The following PCCB variants were observed in gnomAD, a reference collection of about 807,000 sequenced individuals.
PCCB encodes the protein propionyl-CoA carboxylase subunit beta.
PCCB carries 43 observed loss-of-function variants against 60.7 expected under a neutral mutation model. The observed-to-expected ratio is 0.71, with a 90% confidence interval of 0.55 to 0.91. PCCB has a LOEUF of 0.91. PCCB is among the 40% of genes least tolerant of loss of function. The pLI, the probability that PCCB is intolerant of heterozygous loss-of-function variation, is 0.00. For synonymous variants in PCCB, 276 were observed against 255.9 expected (o/e 1.08, Z -0.75); for missense variants, 766 against 702.8 (o/e 1.09, Z -1.02).
intron 4 of PCCB, 146 bp downstream of exon 4, chr3:136,260,681 T>C: frequency 2.8e-6 from 2 of 716,396 alleles, no homozygotes; most frequent in Non-Finnish European, 4.9e-6. Flanking sequence ...AAGGGGTGCA[T>C]AACAATTTTC....
intron 10 of PCCB, among the ~76,000 whole-genome samples, chr3:136,318,347 G>A (rs182999096): frequency 2.6e-4 from 39 of 152,108 alleles, no homozygotes; most frequent in Admixed American, 2.2e-3. Flanking sequence ...CCGAGATCAC[G>A]CCACTGCATG....
chr3:136,251,328 G>A, intron 1 of PCCB: 1 of 456,692 alleles, frequency 2.2e-6, no homozygotes, highest in South Asian at 1.5e-5. Context: ...TGCCCAGTGT[G>A]TCCGTGACTG....
In PCCB at chr3:136,330,111, G is replaced by C; in HGVS notation, c.*85G>C. ...CCTGCCTTTTGCAATCATGAAACCT[G>C]GGAATCCAAATAGTTGGATAACTTA... On this transcript the variant is annotated 3_prime_UTR_variant, in exon 15 of 15. Coordinates refer to ENST00000251654, the MANE Select transcript of PCCB (RefSeq NM_000532.5). 2 of 1,606,000 alleles carry C rather than the reference G, an allele frequency of 1.2e-6. No homozygotes were observed. Among genetic ancestry groups the C allele is most frequent in the East Asian group, 4.5e-5 (2 of 44,580 alleles).
intron 5 of PCCB, among the ~76,000 whole-genome samples, chr3:136,266,947 A>G (rs1337517286): frequency 6.6e-6 from 1 of 152,050 alleles, no homozygotes; most frequent in Non-Finnish European, 1.5e-5. Flanking sequence ...CAGTGGTGTG[A>G]TCTTAGCTCA....
chr3:136,315,225 A>G (rs1474231182), intron 9 of PCCB, among the ~76,000 whole-genome samples: 5 of 152,194 alleles, frequency 3.3e-5, no homozygotes, highest in Admixed American at 2.6e-4. Context: ...CAATTGGCAA[A>G]CTTGAATAAT....
chr3:136,283,548 A>G (rs1217939295), intron 5 of PCCB, among the ~76,000 whole-genome samples: 1 of 152,150 alleles, frequency 6.6e-6, no homozygotes, highest in Non-Finnish European at 1.5e-5. Context: ...ATGGTGGGAT[A>G]CACTCTGTAC....
chr3:136,259,766 T>C (rs1234529800), intron 3 of PCCB, among the ~76,000 whole-genome samples: 2 of 152,332 alleles, frequency 1.3e-5, no homozygotes, highest in Non-Finnish European at 2.9e-5. Flanking sequence ...GTATGTATTT[T>C]TTTAAATACA....
intron 6 of PCCB, among the ~76,000 whole-genome samples, chr3:136,287,607 T>C (rs1387912739): frequency 6.6e-6 from 1 of 152,108 alleles, no homozygotes; most frequent in South Asian, 2.1e-4. Context: ...GCTAATTTTT[T>C]GTATTTTTGG....
At chr3:136,298,566 G>T (rs1397912676) in intron 8 of PCCB, among the ~76,000 whole-genome samples, 2 of 152,204 alleles carry the variant, frequency 1.3e-5, no homozygotes, top group African/African-American at 4.8e-5. Context: ...GATGCAAACA[G>T]CATGCCCTTT....
At chr3:136,308,154 A>G (rs1347566364) in intron 9 of PCCB, among the ~76,000 whole-genome samples, 1 of 152,112 alleles carries the variant, frequency 6.6e-6, no homozygotes, top group Non-Finnish European at 1.5e-5. Flanking sequence ...ATACTGGGAG[A>G]ATGGAAACAA....
chr3:136,320,559 T>C (rs1025457456), intron 10 of PCCB, among the ~76,000 whole-genome samples: 7 of 152,354 alleles, frequency 4.6e-5, no homozygotes, highest in African/African-American at 1.7e-4. Flanking sequence ...CTTGCAACTT[T>C]GCTGGGTTTA....
chr3:136,294,856 A>T (rs909370741), intron 7 of PCCB, among the ~76,000 whole-genome samples: 8 of 152,046 alleles, frequency 5.3e-5, no homozygotes, highest in Admixed American at 3.9e-4. Flanking sequence ...GGGCTTGAGC[A>T]ATCCTCCCAC....
At chr3:136,324,620 A>T (rs1245878306) in intron 10 of PCCB, among the ~76,000 whole-genome samples, 3 of 151,150 alleles carry the variant, frequency 2.0e-5, no homozygotes, top group Admixed American at 2.0e-4. Flanking sequence ...CCCATATCTT[A>T]GGTGGTTTCA....
At chr3:136,284,132 G>A (rs937681050) in intron 6 of PCCB, among the ~76,000 whole-genome samples, 185 bp downstream of exon 6, 2 of 152,228 alleles carry the variant, frequency 1.3e-5, no homozygotes, top group African/African-American at 4.8e-5. Flanking sequence ...TGGGGGTTCA[G>A]TGGCAGGGGA....
rs1055743927 is a variant in PCCB at position 136,315,656 on chromosome 3, C to A, written c.967-1285C>A. ...GACCAGCCTGCGCAACATAGCAAGA[C>A]CCTGTCTCTACAAAAAATATAATTT... On this transcript the variant is annotated intron_variant, in intron 9 of 14. Coordinates refer to ENST00000251654, the MANE Select transcript of PCCB (RefSeq NM_000532.5). 3.3e-5 allele frequency among the ~76,000 whole-genome samples: 5 copies of A among 151,854 alleles called. No individual in the cohort carries two copies. In the South Asian group the frequency reaches 1.0e-3, roughly 32 times the overall value.
chr3:136,292,295 G>A (rs555904281), intron 6 of PCCB, among the ~76,000 whole-genome samples: 1 of 151,206 alleles, frequency 6.6e-6, no homozygotes, highest in Admixed American at 6.6e-5. Flanking sequence ...TTAGAAGTCT[G>A]TGTGAAGTGG....
chr3:136,262,958 T>G (rs1014738890), intron 5 of PCCB, among the ~76,000 whole-genome samples: 3 of 149,146 alleles, frequency 2.0e-5, no homozygotes, highest in African/African-American at 4.9e-5. Flanking sequence ...GAGGAGGTTT[T>G]TTTTTTTTTT....
At chr3:136,326,945 G>A (rs1204783762) in intron 11 of PCCB, 35 bp downstream of exon 11, 3 of 1,393,714 alleles carry the variant, frequency 2.2e-6, no homozygotes, top group Non-Finnish European at 3.1e-6. Flanking sequence ...TAGGAGAGTT[G>A]CCTTTCCCAG....
chr3:136,252,031 C>G (rs1941531011), intron 1 of PCCB, among the ~76,000 whole-genome samples: 1 of 151,996 alleles, frequency 6.6e-6, no homozygotes, highest in Admixed American at 6.6e-5. Flanking sequence ...GTGCCCACGA[C>G]CATGCCTGGC....
Sources: allele counts gnomAD v4.1 joint callset (sites outside exome capture counted in the v4.1 genomes callset), GRCh38; gene constraint gnomAD v4.1.1; transcripts MANE v1.5; gene names NCBI Gene and HGNC (gene_info 2026-07-23, HGNC 2026-07-21).